PIK3C2G: variants seen among roughly 807,000 people sequenced by gnomAD.
PIK3C2G encodes phosphatidylinositol 3-kinase C2 domain-containing subunit gamma.
A neutral mutation model predicts 181.1 loss-of-function variants in PIK3C2G; 168 were observed. The ratio of observed to expected loss-of-function variants is 0.93; its 90% confidence interval spans 0.82 to 1.05. PIK3C2G has a LOEUF of 1.05. Among genes scored for constraint, PIK3C2G ranks in the 50% least tolerant of loss-of-function variants. The pLI is 0.00. For missense variants in PIK3C2G, 1,869 were observed against 1,732.8 expected (o/e 1.08, Z -1.40); for synonymous variants, 573 against 592.2 (o/e 0.97, Z 0.47).
At chr12:18,525,131 C>G (rs1321856636) in intron 24 of PIK3C2G, among the ~76,000 whole-genome samples, 1 of 151,730 alleles carries the variant, frequency 6.6e-6, no homozygotes, top group Non-Finnish European at 1.5e-5. Context: ...TGGCTCATGC[C>G]TATAATCCCA....
chr12:18,497,714 C>G lies in PIK3C2G; in HGVS notation c.2982C>G (p.Ile994Met). ...WLQEGLDMQMIIYRCLSTGKD... is the reference protein window; with the variant it reads ...WLQEGLDMQMMIYRCLSTGKD... ...AGGAAGGCTTGGATATGCAAATGAT[C>G]ATTTATAGATGTCTATCCACAGGAA... The change falls in exon 22 of 33, where the codon ATC becomes ATG. Residue 994 changes from isoleucine to methionine, a missense_variant. Physicochemically the swap from Ile to Met is conservative, Grantham distance 10. Transcript: ENST00000538779. The G allele has an allele frequency of 6.2e-7, 1 of 1,611,996 alleles. No homozygotes were observed. The highest frequency in any genetic ancestry group is 8.5e-7 in the Non-Finnish European group (1 of 1,178,524).
At chr12:18,333,211 GA>G (rs1209968116) in intron 8 of PIK3C2G, among the ~76,000 whole-genome samples, 7 of 152,178 alleles carry the variant, frequency 4.6e-5, no homozygotes, top group African/African-American at 1.7e-4. Flanking sequence ...GCGGGGTTCA[GA>G]AAAAGTTATA....
rs757128536 is a variant in PIK3C2G, at chr12:18,282,483, T to C, written c.402T>C (p.His134=). 2.9e-5 allele frequency: 46 copies of C among 1,612,936 alleles called. No individual in the cohort carries two copies. In the Admixed American group the frequency reaches 6.5e-4, roughly 23 times the overall value. Residue 134 remains histidine (H), a synonymous_variant, in exon 2 of 33, where the codon CAT becomes CAC. Coordinates refer to ENST00000538779, the MANE Select transcript of PIK3C2G (RefSeq NM_001288772.2). ...CSWGSPIGKH[H]GADDSRFSIL... ...GGGGAAGCCCCATAGGAAAACATCATGGTGCTGATGATTCCAGATTCAGTA... is the reference window on the plus strand; with the variant it reads ...GGGGAAGCCCCATAGGAAAACATCACGGTGCTGATGATTCCAGATTCAGTA...
At chr12:18,250,286 G>A (rs1473510777) in intron 1 of PIK3C2G, among the ~76,000 whole-genome samples, 1 of 151,950 alleles carries the variant, frequency 6.6e-6, no homozygotes, top group East Asian at 1.9e-4. Flanking sequence ...AAGTGAAATT[G>A]ACAGAATTTT....
At chr12:18,585,493 A>G (rs377728903) in intron 29 of PIK3C2G, among the ~76,000 whole-genome samples, 2 of 152,164 alleles carry the variant, frequency 1.3e-5, no homozygotes, top group East Asian at 1.9e-4. Context: ...CAACAAGAAG[A>G]CTTAACTATC....
At chr12:18,312,745 A>G (rs1427624509) in intron 5 of PIK3C2G, among the ~76,000 whole-genome samples, 1 of 152,182 alleles carries the variant, frequency 6.6e-6, no homozygotes, top group African/African-American at 2.4e-5. Context: ...GGCACTGAAC[A>G]TATGTCATGA....
At chr12:18,405,722 T>C (rs1013748005) in intron 16 of PIK3C2G, among the ~76,000 whole-genome samples, 1 of 152,156 alleles carries the variant, frequency 6.6e-6, no homozygotes, top group Non-Finnish European at 1.5e-5. Flanking sequence ...TAGTCACTGA[T>C]GATATCAATG....
At chr12:18,668,742 C>T in the PIK3C2G span, among the ~76,000 whole-genome samples, 2 of 152,094 alleles carry the variant, frequency 1.3e-5, no homozygotes, top group Admixed American at 6.5e-5. Flanking sequence ...GTGCTCACAC[C>T]CCAAAGCTAT....
the PIK3C2G span, among the ~76,000 whole-genome samples, chr12:18,668,059 T>A: frequency 6.6e-6 from 1 of 152,224 alleles, no homozygotes; most frequent in Admixed American, 6.5e-5. Context: ...ACAGTCAAAG[T>A]TCGTCTCCAC....
rs892065206 is a variant in PIK3C2G at position 18,371,380 on chromosome 12, G to A, written c.1880+69G>A. On this transcript the variant is annotated intron_variant, in intron 13 of 32. Coordinates refer to ENST00000538779, the MANE Select transcript of PIK3C2G (RefSeq NM_001288772.2). ...AACATTCCTAGAAGTAAATATTTTG[G>A]AGTATATGGCATAATGAGGAAATCA... The A allele has an allele frequency of 6.0e-6, 8 of 1,329,632 alleles. No individual in the cohort carries two copies. The African/African-American group carries it at 8.9e-5, about 15-fold the overall frequency. 82.4% of individuals were successfully genotyped at this position (1,329,632 alleles called of 1,614,324 possible).
intron 31 of PIK3C2G, among the ~76,000 whole-genome samples, chr12:18,628,429 A>T (rs1949196947): frequency 6.6e-6 from 1 of 152,110 alleles, no homozygotes; most frequent in African/African-American, 2.4e-5. Flanking sequence ...TTTTAAGATA[A>T]TTTTAATTTG....
intron 19 of PIK3C2G, among the ~76,000 whole-genome samples, chr12:18,490,491 T>G (rs183455465): frequency 3.3e-5 from 5 of 152,312 alleles, no homozygotes; most frequent in Non-Finnish European, 7.4e-5. Flanking sequence ...ACACTTTTTT[T>G]GTATCCATTA....
At chr12:18,552,309 G>T (rs1944775748) in intron 26 of PIK3C2G, among the ~76,000 whole-genome samples, 1 of 152,094 alleles carries the variant, frequency 6.6e-6, no homozygotes, top group Non-Finnish European at 1.5e-5. Context: ...TTAAAACATA[G>T]TTCAATGATT....
At chr12:18,722,986 C>G in the PIK3C2G span, among the ~76,000 whole-genome samples, 123 of 151,980 alleles carry the variant, frequency 8.1e-4, no homozygotes, top group African/African-American at 2.8e-3. Context: ...GATCAAGATA[C>G]TTTCTTCTAA....
chr12:18,434,113 C>T (rs1336407449), intron 18 of PIK3C2G, among the ~76,000 whole-genome samples: 2 of 152,074 alleles, frequency 1.3e-5, no homozygotes, highest in Non-Finnish European at 2.9e-5. Flanking sequence ...TGGTAAGGGC[C>T]CAGTCTCTGC....
chr12:18,624,470 T>G (rs1949002948), intron 31 of PIK3C2G, among the ~76,000 whole-genome samples: 1 of 151,640 alleles, frequency 6.6e-6, no homozygotes, highest in African/African-American at 2.4e-5. Flanking sequence ...TATTAATATG[T>G]TTGTGAAGAC....
At chr12:18,336,422 T>G (rs561619551) in intron 8 of PIK3C2G, among the ~76,000 whole-genome samples, 1 of 152,262 alleles carries the variant, frequency 6.6e-6, no homozygotes, top group Admixed American at 6.5e-5. Flanking sequence ...GAGATTGTTG[T>G]CTTTTGGTAA....
chr12:18,712,659 A>C, the PIK3C2G span, among the ~76,000 whole-genome samples: 1 of 152,170 alleles, frequency 6.6e-6, no homozygotes, highest in Non-Finnish European at 1.5e-5. Context: ...TACCACCTGA[A>C]ACTAACTTTG....
chr12:18,723,275 T>C, the PIK3C2G span: 5 of 1,541,216 alleles, frequency 3.2e-6, no homozygotes, highest in Non-Finnish European at 4.4e-6. Context: ...ACTTCACATA[T>C]AAATATTCCG....
Sources: gnomAD v4.1 joint callset for allele counts (sites outside exome capture counted in the v4.1 genomes callset) on GRCh38, gnomAD v4.1.1 for gene constraint, MANE v1.5 for transcripts, NCBI Gene and HGNC (gene_info 2026-07-23, HGNC 2026-07-21) for gene names.